PCDHGA1: variants seen among roughly 807,000 people sequenced by gnomAD.
PCDHGA1 encodes protocadherin gamma-A1.
Under a neutral mutation model 58.0 loss-of-function variants are expected in PCDHGA1, and 32 were observed. That is an observed-to-expected ratio of 0.55 (90% CI 0.42 to 0.74). The LOEUF (loss-of-function observed/expected upper bound fraction) is 0.74. Among genes scored for constraint, PCDHGA1 ranks in the 30% least tolerant of loss-of-function variants. The probability of loss-of-function intolerance (pLI) is 0.00; values close to 1 mark genes in which losing one functional copy is unlikely to be tolerated. For synonymous variants in PCDHGA1, 498 were observed against 501.1 expected, an observed-to-expected ratio of 0.99 and a Z score of 0.08; for missense variants, 1,205 against 1,182.3, an observed-to-expected ratio of 1.02 and a Z score of -0.28.
Position 141,421,318 on chromosome 5 carries a change from C to T in PCDHGA1, c.2422-73489C>T, listed in dbSNP as rs370020854. 5.6e-6 allele frequency: 9 copies of T among 1,613,824 alleles called. No homozygotes were observed. In the East Asian group the frequency reaches 2.0e-4, roughly 36 times the overall value. On this transcript the variant is annotated intron_variant, in intron 1 of 3. Coordinates refer to ENST00000517417, the MANE Select transcript of PCDHGA1 (RefSeq NM_018912.3). ...GACGCTGCGGGGGTTCCGGGCCAGG[C>T]AGATCCGATATTCGGTGCCAGAAGA...
At chr5:141,376,273 T>A in intron 1 of PCDHGA1, 2 of 1,614,102 alleles carry the variant, frequency 1.2e-6, no homozygotes, top group Non-Finnish European at 1.7e-6. Flanking sequence ...CTTCGGGAGG[T>A]GGCTTAGCGA....
At chr5:141,482,673 G>A (rs1278135239) in intron 1 of PCDHGA1, among the ~76,000 whole-genome samples, 1 of 152,156 alleles carries the variant, frequency 6.6e-6, no homozygotes, top group Non-Finnish European at 1.5e-5. Context: ...TAAAGGTTGA[G>A]TAGTAGCTTG....
At chr5:141,409,896 C>A (rs1181128940) in intron 1 of PCDHGA1, 1 of 1,613,240 alleles carries the variant, frequency 6.2e-7, no homozygotes, top group African/African-American at 1.3e-5. Context: ...GTGCTGTACC[C>A]AGCTCTGGGT....
chr5:141,352,148 G>C (rs777837262), intron 1 of PCDHGA1: 3 of 1,612,454 alleles, frequency 1.9e-6, no homozygotes, highest in Non-Finnish European at 1.7e-6. Flanking sequence ...TGCCTTGGGC[G>C]ACAGGGACGC....
intron 1 of PCDHGA1, chr5:141,361,379 T>C: frequency 6.2e-7 from 1 of 1,613,918 alleles, no homozygotes; most frequent in South Asian, 1.1e-5. Context: ...CGGGAGGAGA[T>C]CCCAGAATAC....
intron 1 of PCDHGA1, among the ~76,000 whole-genome samples, chr5:141,474,588 A>G (rs2099351676): frequency 6.6e-6 from 1 of 152,258 alleles, no homozygotes; most frequent in Non-Finnish European, 1.5e-5. Context: ...TGTTAAAGAC[A>G]TGGAAATATA....
intron 1 of PCDHGA1, chr5:141,345,887 G>A (rs749950943): frequency 2.5e-6 from 4 of 1,613,292 alleles, no homozygotes; most frequent in Admixed American, 3.3e-5. Context: ...GACTCTTCTC[G>A]GTGGGTCTGC....
At chr5:141,403,099 C>G in intron 1 of PCDHGA1, 5 of 1,614,056 alleles carry the variant, frequency 3.1e-6, no homozygotes, top group Non-Finnish European at 4.2e-6. Context: ...GCAACATCTC[C>G]AAGGACCTGG....
chr5:141,478,199 C>G, intron 1 of PCDHGA1: 1 of 1,614,056 alleles, frequency 6.2e-7, no homozygotes, highest in Non-Finnish European at 8.5e-7. Flanking sequence ...CTTTTATCTA[C>G]TTCTTTCTCT....
At chr5:141,340,349 T>C (rs1379135599) in intron 1 of PCDHGA1, 1 of 1,613,972 alleles carries the variant, frequency 6.2e-7, no homozygotes, top group Non-Finnish European at 8.5e-7. Context: ...CTACTCCACC[T>C]ACATTCCCGA....
At chr5:141,370,420 G>T (rs1766894267) in intron 1 of PCDHGA1, 2 of 1,580,404 alleles carry the variant, frequency 1.3e-6, no homozygotes, top group Non-Finnish European at 1.7e-6. Flanking sequence ...GGATGGAGGG[G>T]CCCAGCAGGG....
chr5:141,505,338 G>T, intron 2 of PCDHGA1, 55 bp from the exon 3 acceptor site: 1 of 1,612,254 alleles, frequency 6.2e-7, no homozygotes, highest in South Asian at 1.1e-5. Flanking sequence ...GGACAGGAGG[G>T]GCATGAGCTG....
Position 141,495,110 on chromosome 5 carries a change from T to C in PCDHGA1, c.2480+245T>C, listed in dbSNP as rs74534116. Among the ~76,000 whole-genome samples the C allele has an allele frequency of 3.9e-3, 595 of 152,212 alleles. 3 individuals carry two copies. The highest frequency in any genetic ancestry group is 0.013 in the African/African-American group (538 of 41,532). On this transcript the variant is annotated intron_variant, in intron 2 of 3. Coordinates refer to ENST00000517417, the MANE Select transcript of PCDHGA1 (RefSeq NM_018912.3). The stretch of plus-strand genomic sequence containing the variant: ...TTCCCTCCTCGCCACGACCGGCACC[T>C]TTTCCTATCCCCTGAGGGCACTGTG...
rs375569568 is a variant in PCDHGA1, at chr5:141,357,473, C to T, written c.2421+24368C>T. 69 of 1,614,098 alleles carry T rather than the reference C, an allele frequency of 4.3e-5. No individual in the cohort carries two copies. The highest frequency in any genetic ancestry group is 5.3e-5 in the Non-Finnish European group (63 of 1,180,050). The stretch of plus-strand genomic sequence containing the variant: ...CTGCAGACCTATTCCCACGAGGTCT[C>T]CCTCACCGCGGACTCGCGGAAGAGT... On this transcript the variant is annotated intron_variant, in intron 1 of 3. Transcript: ENST00000517417.
Position 141,403,164 on chromosome 5 carries a change from G to A in PCDHGA1, c.2421+70059G>A, listed in dbSNP as rs11575960. The A allele has an allele frequency of 4.9e-3, 7,986 of 1,614,050 alleles. 45 individuals are homozygous for A. Among genetic ancestry groups the A allele is most frequent in the Admixed American group, 9.4e-3 (567 of 60,028 alleles). The stretch of plus-strand genomic sequence containing the variant: ...CGAGTCCGCATCGTCTCTAGAGGTA[G>A]GACGCAGCTTTTCTCTCTGAACCCG... On this transcript the variant is annotated intron_variant, in intron 1 of 3. Coordinates refer to ENST00000517417, the MANE Select transcript of PCDHGA1 (RefSeq NM_018912.3).
chr5:141,356,730 T>C, intron 1 of PCDHGA1: 1 of 1,613,992 alleles, frequency 6.2e-7, no homozygotes, highest in Middle Eastern at 1.6e-4. Context: ...TCAACTCCAA[T>C]ACAGGGATCC....
intron 1 of PCDHGA1, among the ~76,000 whole-genome samples, chr5:141,457,480 G>T (rs566798464): frequency 6.6e-6 from 1 of 152,148 alleles, no homozygotes; most frequent in African/African-American, 2.4e-5. Context: ...GCAGGGCCAG[G>T]GTTAGTCTAA....
Position 141,431,067 on chromosome 5 carries a change from A to G in PCDHGA1, c.2422-63740A>G. The G allele has an allele frequency of 1.2e-6, 2 of 1,614,164 alleles. No homozygotes were observed. Among genetic ancestry groups the G allele is most frequent in the Non-Finnish European group, 1.7e-6 (2 of 1,179,976 alleles). Reference sequence around the variant, plus strand: ...CTCTGTATGGGGGCCATCAAGTGTCAATTAAATCTAGACATTCTGATGGAG... The same window carrying G: ...CTCTGTATGGGGGCCATCAAGTGTCGATTAAATCTAGACATTCTGATGGAG... On this transcript the variant is annotated intron_variant, in intron 1 of 3. Transcript: ENST00000517417. This position sits in a 1 kb window ranked among gnomAD's most constrained non-coding sequence, Gnocchi z 4.8.
At position 141,477,596 on chromosome 5, in the gene PCDHGA1, T is replaced by G. The variant is rs1364779381; in HGVS notation, c.2422-17211T>G. ...CGCCCCGCAGAATGCTCGGCTTTCTTTCTTTCTCTTGGAGCAAGGAGCTGA... is the reference window on the plus strand; with the variant it reads ...CGCCCCGCAGAATGCTCGGCTTTCTGTCTTTCTCTTGGAGCAAGGAGCTGA... On this transcript the variant is annotated intron_variant, in intron 1 of 3. Transcript: ENST00000517417. This position sits in a 1 kb window ranked among gnomAD's most constrained non-coding sequence, Gnocchi z 4.9. The G allele has an allele frequency of 6.2e-7, 1 of 1,614,184 alleles. No individual in the cohort carries two copies. The highest frequency in any genetic ancestry group is 1.1e-5 in the South Asian group (1 of 91,086).
Sources: allele counts gnomAD v4.1 joint callset (sites outside exome capture counted in the v4.1 genomes callset), GRCh38; gene constraint gnomAD v4.1.1; non-coding constraint Gnocchi (gnomAD v3.1); transcripts MANE v1.5; gene names NCBI Gene and HGNC (gene_info 2026-07-23, HGNC 2026-07-21).